The following SCN9A variants were observed in gnomAD, a reference collection of about 807,000 sequenced individuals.
SCN9A encodes the protein sodium channel protein type 9 subunit alpha.
SCN9A carries 131 observed loss-of-function variants against 187.0 expected under a neutral mutation model. The ratio of observed to expected loss-of-function variants is 0.70; its 90% CI spans 0.61 to 0.81. The LOEUF (loss-of-function observed/expected upper bound fraction) is 0.81. Among genes scored for constraint, SCN9A ranks in the 30% least tolerant of loss-of-function variants. The pLI, the probability that SCN9A is intolerant of heterozygous loss-of-function variation, is 0.00. For synonymous variants in SCN9A, 809 were observed against 808.6 expected (o/e 1.00, Z -0.01); for missense variants, 2,252 against 2,396.6 (o/e 0.94, Z 1.26).
At chr2:166,262,587 A>C (rs1696555121) in intron 17 of SCN9A, among the ~76,000 whole-genome samples, 2 of 151,992 alleles carry the variant, frequency 1.3e-5, no homozygotes, top group South Asian at 4.1e-4. Flanking sequence ...GAGGTATAGC[A>C]GAAAACAATT....
chr2:166,364,106 G>A (rs1167582270), intron 1 of SCN9A, among the ~76,000 whole-genome samples: 1 of 151,374 alleles, frequency 6.6e-6, no homozygotes, highest in Non-Finnish European at 1.5e-5. Flanking sequence ...TTTGGGAAAT[G>A]CAAATCAAAA....
At chr2:166,331,172 G>T (rs1253870219) in intron 1 of SCN9A, among the ~76,000 whole-genome samples, 1 of 151,836 alleles carries the variant, frequency 6.6e-6, no homozygotes, top group Non-Finnish European at 1.5e-5. Context: ...ATTTCTTTAG[G>T]ACTTCCCTTC....
At chr2:166,265,743 G>A (rs904929896) in intron 17 of SCN9A, among the ~76,000 whole-genome samples, 2 of 151,826 alleles carry the variant, frequency 1.3e-5, no homozygotes, top group East Asian at 1.9e-4. Context: ...TTGATTTTTT[G>A]ATGGTAGCCA....
At chr2:166,340,234 C>T (rs1045480528) in intron 1 of SCN9A, among the ~76,000 whole-genome samples, 9 of 152,046 alleles carry the variant, frequency 5.9e-5, no homozygotes, top group Non-Finnish European at 1.3e-4. Context: ...TAATTTATAT[C>T]GACTATTTGA....
intron 24 of SCN9A, among the ~76,000 whole-genome samples, chr2:166,223,032 A>C (rs1574748766): frequency 7.6e-6 from 1 of 131,304 alleles, no homozygotes; most frequent in East Asian, 2.1e-4. Flanking sequence ...CTATTACCAA[A>C]ACAAAAACAA....
intron 20 of SCN9A, among the ~76,000 whole-genome samples, chr2:166,235,533 A>G (rs1213798107): frequency 6.6e-6 from 1 of 152,032 alleles, no homozygotes; most frequent in Non-Finnish European, 1.5e-5. Context: ...GCCACATCCA[A>G]CCCCAGAGTT....
chr2:166,210,007 C>T (rs545700847), intron 24 of SCN9A, among the ~76,000 whole-genome samples: 8 of 152,242 alleles, frequency 5.3e-5, no homozygotes, highest in East Asian at 1.9e-4. Flanking sequence ...CGCATGCACA[C>T]GTATGTTTAT....
At chr2:166,264,747 T>G (rs1192856226) in intron 17 of SCN9A, among the ~76,000 whole-genome samples, 5 of 151,752 alleles carry the variant, frequency 3.3e-5, no homozygotes, top group African/African-American at 1.2e-4. Flanking sequence ...AAGAGAGGGT[T>G]TTTGGGTAGG....
chr2:166,269,912 T>C (rs1444961376), intron 17 of SCN9A, among the ~76,000 whole-genome samples: 1 of 151,942 alleles, frequency 6.6e-6, no homozygotes, highest in Non-Finnish European at 1.5e-5. Context: ...GCAATTGGAG[T>C]TTATAATTTT....
chr2:166,311,329 CCTATATATATAT>C (rs1465639158), intron 2 of SCN9A, among the ~76,000 whole-genome samples, 158 bp downstream of exon 2: 775 of 47,904 alleles, frequency 0.016, 80 homozygotes, highest in Middle Eastern at 0.03. Flanking sequence ...TTCTGAATAT[CCTATATATATAT>C]ATATATATAT....
chr2:166,335,330 T>C (rs1348827046), intron 1 of SCN9A, among the ~76,000 whole-genome samples: 2 of 152,112 alleles, frequency 1.3e-5, no homozygotes, highest in Non-Finnish European at 2.9e-5. Flanking sequence ...TTGAACTAAA[T>C]ATTGGATGCC....
intron 24 of SCN9A, among the ~76,000 whole-genome samples, chr2:166,214,998 T>C (rs1009539526): frequency 6.6e-6 from 1 of 152,194 alleles, no homozygotes; most frequent in Non-Finnish European, 1.5e-5. Context: ...ACAAAATACA[T>C]ATTCTTCTCA....
At chr2:166,247,529 A>AT in intron 18 of SCN9A, among the ~76,000 whole-genome samples, 1 of 152,048 alleles carries the variant, frequency 6.6e-6, no homozygotes, top group East Asian at 1.9e-4. Flanking sequence ...TACCATTATT[A>AT]TTTTTTGAGA....
At position 166,198,770 on chromosome 2, in the gene SCN9A, A is replaced by G. The variant is rs766778827; in HGVS notation, c.5869T>C (p.Ser1957Pro). ...TCTGGCTTTGTTACACTATCATATG[A>G]AGGTGGAGAGGTGGTGGATGAAGTG... ...DATSSTTSPP[S>P]YDSVTKPDKE... Residue 1957 changes from serine to proline, a missense_variant, in exon 27 of 27, where the codon TCA (serine) becomes CCA (proline). Around this residue, in one of 7 missense-constraint regions of SCN9A, gnomAD observed 345 missense variants for 344.6 expected, o/e 1.00. Transcript: ENST00000642356. 6.2e-7 allele frequency: 1 copy of G among 1,613,488 alleles called. No homozygotes were observed. The highest frequency in any genetic ancestry group is 8.5e-7 in the Non-Finnish European group (1 of 1,179,618).
At chr2:166,329,631 T>C (rs77046324) in intron 1 of SCN9A, among the ~76,000 whole-genome samples, 1 of 152,056 alleles carries the variant, frequency 6.6e-6, no homozygotes, top group Admixed American at 6.6e-5. Context: ...GCCAGGTGCC[T>C]GGGACACAAT....
intron 18 of SCN9A, among the ~76,000 whole-genome samples, chr2:166,250,666 G>A (rs1695994456): frequency 6.6e-6 from 1 of 152,048 alleles, no homozygotes; most frequent in Non-Finnish European, 1.5e-5. Context: ...AATTCCAGAA[G>A]TAGTAAGAAA....
intron 1 of SCN9A, among the ~76,000 whole-genome samples, chr2:166,373,491 C>T (rs1417451414): frequency 2.0e-5 from 3 of 151,446 alleles, no homozygotes; most frequent in African/African-American, 4.9e-5. Context: ...ATTTGGTGGC[C>T]GTGTAGATAC....
At chr2:166,281,986 T>G (rs1697512035) in intron 12 of SCN9A, among the ~76,000 whole-genome samples, 178 bp from the exon 13 acceptor site, 1 of 152,208 alleles carries the variant, frequency 6.6e-6, no homozygotes. Context: ...CTTAACTGTC[T>G]CAGTTTTATA....
At chr2:166,219,868 C>T (rs6725008) in intron 24 of SCN9A, among the ~76,000 whole-genome samples, 135,694 of 152,244 alleles carry the variant, frequency 0.89, 60,595 homozygotes, top group East Asian at 0.95. Flanking sequence ...ATTAGCGTGA[C>T]TGAAAATTTC....
Sources: allele counts gnomAD v4.1 joint callset (sites outside exome capture counted in the v4.1 genomes callset), GRCh38; gene constraint gnomAD v4.1.1; regional missense constraint gnomAD v4.1.1; transcripts MANE v1.5; gene names NCBI Gene and HGNC (gene_info 2026-07-23, HGNC 2026-07-21).